BRCA2: variants seen among roughly 807,000 people sequenced by gnomAD.
BRCA2 encodes the protein BRCA2 DNA repair associated, also known as breast cancer type 2 susceptibility protein.
Under a neutral mutation model 276.7 loss-of-function variants are expected in BRCA2, and 203 were observed. The observed-to-expected ratio is 0.73, with a 90% CI of 0.65 to 0.82. BRCA2 has a LOEUF of 0.82. Among genes scored for constraint, BRCA2 ranks in the 40% least tolerant of loss-of-function variants. The probability of loss-of-function intolerance (pLI) is 0.00; values close to 1 mark genes in which losing one functional copy is unlikely to be tolerated. For missense variants in BRCA2, 3,920 were observed against 3,915.0 expected, an observed-to-expected ratio of 1.00 and a Z score of -0.03; for synonymous variants, 1,289 against 1,338.4, an observed-to-expected ratio of 0.96 and a Z score of 0.81.
rs80358673 is a variant in BRCA2 at position 32,338,732 on chromosome 13, C to G, written c.4377C>G (p.Asn1459Lys). The change falls in exon 11 of 27, where the codon AAC (asparagine) becomes AAG (lysine). Residue 1459 changes from asparagine to lysine, a missense_variant. Around this residue, in one of 2 missense-constraint regions of BRCA2, gnomAD observed 3,263 missense variants for 3,156.9 expected, o/e 1.03. Transcript: ENST00000380152. ...FFDQKPEELH[N>K]FSLNSELHSD... ...ATCAGAAACCAGAAGAATTGCATAA[C>G]TTTTCCTTAAATTCTGAATTACATT... is the stretch of plus-strand genomic sequence containing the variant. 6.2e-7 allele frequency: 1 copy of G among 1,600,140 alleles called. No homozygotes were observed. The highest frequency in any genetic ancestry group is 1.3e-5 in the African/African-American group (1 of 74,624).
chr13:32,341,974 A>G (rs1293978467), intron 11 of BRCA2, among the ~76,000 whole-genome samples: 2 of 152,130 alleles, frequency 1.3e-5, no homozygotes, highest in African/African-American at 4.8e-5. Context: ...TAAAATGCAA[A>G]TAACACCTCC....
chr13:32,334,914 C>T (rs139137540), intron 10 of BRCA2, among the ~76,000 whole-genome samples: 1 of 152,260 alleles, frequency 6.6e-6, no homozygotes, highest in Non-Finnish European at 1.5e-5. Context: ...TTTTATCTCC[C>T]TATGAGAAGA....
chr13:32,332,671 T>C lies in BRCA2; in HGVS notation c.1193T>C (p.Leu398Pro). The C allele has an allele frequency of 6.2e-7, 1 of 1,614,026 alleles. No individual in the cohort carries two copies. The highest frequency in any genetic ancestry group is 1.1e-5 in the South Asian group (1 of 91,034). ...TCTTTGGCCTGTGAATGGTCTCAACTAACCCTTTCAGGTCTAAATGGAGCC... is the reference window on the plus strand; with the variant it reads ...TCTTTGGCCTGTGAATGGTCTCAACCAACCCTTTCAGGTCTAAATGGAGCC... Reference protein sequence around the residue: ...VPSLACEWSQLTLSGLNGAQM... With the variant: ...VPSLACEWSQPTLSGLNGAQM... The change falls in exon 10 of 27, where the codon CTA (leucine) becomes CCA (proline). Residue 398 changes from leucine to proline, a missense_variant. Physicochemically the swap from Leu to Pro is moderately conservative, Grantham distance 98. This residue lies in a region of BRCA2 where 3,263 missense variants were observed against 3,156.9 expected (regional missense o/e 1.03). Transcript: ENST00000380152.
At chr13:32,343,937 A>G (rs1566236566) in intron 11 of BRCA2, among the ~76,000 whole-genome samples, 1 of 152,150 alleles carries the variant, frequency 6.6e-6, no homozygotes, top group Non-Finnish European at 1.5e-5. Flanking sequence ...CCTGTAATAA[A>G]GCATCAAAAA....
chr13:32,333,996 A>G (rs1240554757), intron 10 of BRCA2, among the ~76,000 whole-genome samples: 1 of 152,158 alleles, frequency 6.6e-6, no homozygotes, highest in Non-Finnish European at 1.5e-5. Context: ...GTATAGTTCC[A>G]CATTTTATTT....
At chr13:32,318,245 T>C (rs546419754) in intron 2 of BRCA2, among the ~76,000 whole-genome samples, 1 of 152,310 alleles carries the variant, frequency 6.6e-6, no homozygotes, top group South Asian at 2.1e-4. Context: ...AATGATTCCA[T>C]AGCGTTATTA....
rs11571610 is a variant in BRCA2 at position 32,325,251 on chromosome 13, A to C, written c.425+67A>C. 52,480 of 1,200,608 alleles carry C rather than the reference A, an allele frequency of 0.044. 1,783 individuals carry two copies. Among genetic ancestry groups the C allele is most frequent in the East Asian group, 0.12 (4,631 of 38,748 alleles). The allele number at this position is 1,200,608 out of a possible 1,614,324, so 74.4% of individuals were successfully genotyped here. On this transcript the variant is annotated intron_variant, in intron 4 of 26. Transcript: ENST00000380152. ...TTTCCTACATATATTTGTTCTATAAAGATGAATCTGATTTTTATGCTAATA... is the reference window on the plus strand; with the variant it reads ...TTTCCTACATATATTTGTTCTATAACGATGAATCTGATTTTTATGCTAATA...
intron 8 of BRCA2, among the ~76,000 whole-genome samples, chr13:32,329,770 C>T (rs553333485): frequency 6.6e-6 from 1 of 151,272 alleles, no homozygotes; most frequent in Admixed American, 6.6e-5. Flanking sequence ...TAGATAGTAC[C>T]GAACCCTATA....
Position 32,339,307 on chromosome 13 carries a change from C to G in BRCA2, c.4952C>G (p.Pro1651Arg), listed in dbSNP as rs565268514. 1.2e-6 allele frequency: 2 copies of G among 1,603,548 alleles called. No homozygotes were observed. The highest frequency in any genetic ancestry group is 1.7e-6 in the Non-Finnish European group (2 of 1,176,532). The change falls in exon 11 of 27, where the codon CCT becomes CGT. Residue 1651 changes from proline (P) to arginine (R), a missense_variant. Physicochemically the swap from Pro to Arg is moderately radical, Grantham distance 103. Transcript: ENST00000380152. The stretch of plus-strand genomic sequence containing the variant: ...GTAGAAAAAGAAACAGCAAAAAGTC[C>G]TGCAACTTGTTACACAAATCAGTCC... ...ENVEKETAKS[P>R]ATCYTNQSPY... is the part of the protein sequence containing the mutation.
upstream of BRCA2, chr13:32,315,456 G>A (rs1566213811): frequency 6.6e-6 from 1 of 152,294 alleles, no homozygotes; most frequent in Non-Finnish European, 1.5e-5. Context: ...TCGCGTCACG[G>A]CGTCACGTGG....
chr13:32,338,764 TAAGA>T lies in BRCA2; in HGVS notation c.4415_4418del (p.Lys1472ThrfsTer6), dbSNP rs397507333. Reference sequence around the variant, plus strand: ...TTAAATTCTGAATTACATTCTGACATAAGAAAGAACAAAATGGACATTCTAAGTT... The same window carrying T: ...TTAAATTCTGAATTACATTCTGACATAAGAACAAAATGGACATTCTAAGTT... On this transcript the variant is annotated frameshift_variant, in exon 11 of 27. Transcript: ENST00000380152. LOFTEE classifies it high-confidence loss of function. 24 of 1,610,160 alleles carry T rather than the reference TAAGA, an allele frequency of 1.5e-5. No homozygotes were observed. Among genetic ancestry groups the T allele is most frequent in the Non-Finnish European group, 2.0e-5 (24 of 1,177,804 alleles).
Position 32,398,890 on chromosome 13 carries a change from C to A in BRCA2, c.*120C>A. 8 of 1,312,396 alleles carry A rather than the reference C, an allele frequency of 6.1e-6. No homozygotes were observed. The highest frequency in any genetic ancestry group is 2.6e-5 in the Admixed American group (1 of 37,798). 81.3% of individuals were successfully genotyped at this position (1,312,396 alleles called of 1,614,324 possible). On this transcript the variant is annotated 3_prime_UTR_variant, in exon 27 of 27. Coordinates refer to ENST00000380152, the MANE Select transcript of BRCA2 (RefSeq NM_000059.4). The stretch of plus-strand genomic sequence containing the variant: ...GCACAATGAGAAAAGAAATTAGTTT[C>A]AAATTTACCTCAGCGTTTGTGTATC...
At position 32,336,959 on chromosome 13, in the gene BRCA2, T is replaced by C. The variant is rs1428997179; in HGVS notation, c.2604T>C (p.Thr868=). 4 of 1,584,258 alleles carry C rather than the reference T, an allele frequency of 2.5e-6. No individual in the cohort carries two copies. The highest frequency in any genetic ancestry group is 3.4e-6 in the Non-Finnish European group (4 of 1,172,348). The change falls in exon 11 of 27, where the codon ACT becomes ACC. Residue 868 remains threonine, a synonymous_variant. Coordinates refer to ENST00000380152, the MANE Select transcript of BRCA2 (RefSeq NM_000059.4). ...TCCAAAAAAATCAAGAAGAAACTAC[T>C]TCAATTTCAAAAATAACTGTCAATC... ...RVIQKNQEET[T]SISKITVNPD...
intron 21 of BRCA2, among the ~76,000 whole-genome samples, chr13:32,378,517 A>G (rs1308236947): frequency 2.6e-5 from 4 of 152,166 alleles, no homozygotes; most frequent in African/African-American, 9.7e-5. Flanking sequence ...CATATTTAGA[A>G]TCTCTATACC....
intron 13 of BRCA2, among the ~76,000 whole-genome samples, 177 bp from the exon 14 acceptor site, chr13:32,354,684 G>C (rs1304974482): frequency 2.0e-5 from 3 of 152,194 alleles, no homozygotes; most frequent in Non-Finnish European, 2.9e-5. Context: ...AGATTGTAAA[G>C]TCAAAGGCTA....
chr13:32,388,545 A>G (rs2072977007), intron 24 of BRCA2, among the ~76,000 whole-genome samples: 1 of 152,166 alleles, frequency 6.6e-6, no homozygotes. Flanking sequence ...TTTTTTTTAA[A>G]AACAGGCCTT....
At chr13:32,377,389 C>T (rs1046747572) in intron 21 of BRCA2, among the ~76,000 whole-genome samples, 7 of 152,076 alleles carry the variant, frequency 4.6e-5, no homozygotes, top group Non-Finnish European at 7.4e-5. Flanking sequence ...GTCGGGAGTT[C>T]GTGACCAGCC....
intron 7 of BRCA2, among the ~76,000 whole-genome samples, chr13:32,328,245 G>GTT (rs1173083833): frequency 5.0e-5 from 7 of 139,378 alleles, no homozygotes; most frequent in Non-Finnish European, 6.3e-5. Context: ...TTTCTTTTTC[G>GTT]TTTTTTTTTT....
At chr13:32,343,180 A>T (rs1363323042) in intron 11 of BRCA2, among the ~76,000 whole-genome samples, 4 of 152,030 alleles carry the variant, frequency 2.6e-5, no homozygotes, top group African/African-American at 7.2e-5. Flanking sequence ...ACATACCTAT[A>T]TTAGGTATGT....
Sources: allele counts gnomAD v4.1 joint callset (sites outside exome capture counted in the v4.1 genomes callset), GRCh38; gene constraint gnomAD v4.1.1; regional missense constraint gnomAD v4.1.1; transcripts MANE v1.5; gene names NCBI Gene and HGNC (gene_info 2026-07-23, HGNC 2026-07-21).